The following OSBPL1A variants were observed in gnomAD, a reference collection of about 807,000 sequenced individuals.
OSBPL1A encodes oxysterol-binding protein-related protein 1.
In OSBPL1A, 80 loss-of-function variants were observed where a neutral mutation model predicts 137.1. That is an observed-to-expected ratio of 0.58 (90% CI 0.49 to 0.70). OSBPL1A has a LOEUF of 0.70. Ranked by LOEUF, OSBPL1A falls within the 30% of genes least tolerant of loss-of-function variation. OSBPL1A has a pLI of 0.00. For missense variants in OSBPL1A, 970 were observed against 1,129.4 expected (o/e 0.86, Z 2.02); for synonymous variants, 365 against 389.7 (o/e 0.94, Z 0.75).
intron 14 of OSBPL1A, among the ~76,000 whole-genome samples, chr18:24,281,659 G>C (rs896061699): frequency 6.6e-6 from 1 of 152,202 alleles, no homozygotes; most frequent in East Asian, 1.9e-4. Context: ...GCAAAGTGCT[G>C]GGATTACAGG....
chr18:24,269,670 T>C (rs1017330888), intron 15 of OSBPL1A, among the ~76,000 whole-genome samples: 2 of 152,206 alleles, frequency 1.3e-5, no homozygotes, highest in Non-Finnish European at 2.9e-5. Flanking sequence ...AGGAAAATTA[T>C]GTCTGCCTAT....
At chr18:24,260,204 G>A (rs1429179346) in intron 15 of OSBPL1A, among the ~76,000 whole-genome samples, 1 of 152,144 alleles carries the variant, frequency 6.6e-6, no homozygotes, top group African/African-American at 2.4e-5. Flanking sequence ...GTGGAACTTT[G>A]CATATTGCTG....
chr18:24,170,220 G>A, intron 24 of OSBPL1A, 107 bp downstream of exon 24: 1 of 1,308,880 alleles, frequency 7.6e-7, no homozygotes, highest in Non-Finnish European at 1.1e-6. Flanking sequence ...TTAGCAACAA[G>A]GAAGAAGAAA....
intron 26 of OSBPL1A, 97 bp downstream of exon 26, chr18:24,166,482 C>A: frequency 2.1e-6 from 3 of 1,426,452 alleles, no homozygotes; most frequent in Non-Finnish European, 2.8e-6. Context: ...ACTAAAAACG[C>A]TAGTACCCCA....
At chr18:24,351,845 T>C (rs1231585535) in intron 4 of OSBPL1A, among the ~76,000 whole-genome samples, 1 of 151,888 alleles carries the variant, frequency 6.6e-6, no homozygotes, top group Non-Finnish European at 1.5e-5. Context: ...CAGCCTGCAA[T>C]TGTTAACTCC....
chr18:24,217,258 CTTTTT>C (rs562612104), intron 17 of OSBPL1A, among the ~76,000 whole-genome samples: 2 of 131,498 alleles, frequency 1.5e-5, no homozygotes, highest in East Asian at 2.2e-4. Context: ...AAGTTTTGCT[CTTTTT>C]TTTTTTTTTT....
intron 4 of OSBPL1A, chr18:24,357,689 T>C (rs567493182): frequency 1.3e-5 from 2 of 152,210 alleles, no homozygotes; most frequent in East Asian, 1.9e-4. Flanking sequence ...AGAGGCTTCT[T>C]CTCCACGAGG....
In OSBPL1A at chr18:24,385,545, C is replaced by T. The variant is rs556127847; in HGVS notation, c.-2-8010G>A. On this transcript the variant is annotated intron_variant, in intron 1 of 27. Transcript: ENST00000319481. ...CCAGGGAAGAGGAGCTGGCAAAAAACGACCAAGAGTGGAGAGGGGACACAG... is the reference window on the plus strand; with the variant it reads ...CCAGGGAAGAGGAGCTGGCAAAAAATGACCAAGAGTGGAGAGGGGACACAG... Among the ~76,000 whole-genome samples the T allele has an allele frequency of 1.3e-4, 20 of 152,152 alleles. No homozygotes were observed. In the East Asian group the frequency reaches 1.7e-3, roughly 13 times the overall value.
intron 15 of OSBPL1A, among the ~76,000 whole-genome samples, chr18:24,250,182 G>GTTTT (rs775626283): frequency 2.0e-4 from 28 of 141,982 alleles, no homozygotes; most frequent in African/African-American, 6.6e-4. Flanking sequence ...TTGTTTGTTT[G>GTTTT]TTTGTTTTTT....
intron 15 of OSBPL1A, among the ~76,000 whole-genome samples, chr18:24,245,793 A>T (rs2088861785): frequency 1.3e-5 from 2 of 152,006 alleles, no homozygotes; most frequent in Non-Finnish European, 2.9e-5. Context: ...GTTTTCATTG[A>T]CTCTCTAATG....
At chr18:24,342,801 T>C (rs1010582296) in intron 4 of OSBPL1A, among the ~76,000 whole-genome samples, 1 of 152,170 alleles carries the variant, frequency 6.6e-6, no homozygotes, top group Non-Finnish European at 1.5e-5. Flanking sequence ...CATGCCACAA[T>C]TGTTTTATAG....
intron 4 of OSBPL1A, among the ~76,000 whole-genome samples, chr18:24,361,793 A>C (rs1005264060): frequency 2.6e-5 from 4 of 152,158 alleles, no homozygotes; most frequent in African/African-American, 9.7e-5. Context: ...ACTTGAGGTC[A>C]GGAGTTTGAG....
At chr18:24,165,858 G>A (rs576734976) in intron 26 of OSBPL1A, among the ~76,000 whole-genome samples, 1 of 152,328 alleles carries the variant, frequency 6.6e-6, no homozygotes, top group East Asian at 1.9e-4. Context: ...CACTTTGGGA[G>A]TCTGAGGTGG....
chr18:24,309,694 A>G (rs1452150765), intron 13 of OSBPL1A, among the ~76,000 whole-genome samples: 2 of 152,184 alleles, frequency 1.3e-5, no homozygotes, highest in Non-Finnish European at 2.9e-5. Context: ...CACACTTCAA[A>G]GCTCATTTTG....
chr18:24,181,036 C>G (rs2086593077), intron 19 of OSBPL1A, 109 bp downstream of exon 19: 5 of 1,346,346 alleles, frequency 3.7e-6, no homozygotes, highest in Non-Finnish European at 5.0e-6. Flanking sequence ...GATAAAATTG[C>G]CCAACCTCAC....
At chr18:24,381,016 G>C (rs1479991587) in intron 1 of OSBPL1A, among the ~76,000 whole-genome samples, 1 of 151,666 alleles carries the variant, frequency 6.6e-6, no homozygotes, top group African/African-American at 2.4e-5. Flanking sequence ...TCTGCAGGAA[G>C]CCAAACCCAG....
chr18:24,208,335 T>C (rs2087433341), intron 17 of OSBPL1A, among the ~76,000 whole-genome samples: 2 of 152,206 alleles, frequency 1.3e-5, no homozygotes, highest in Non-Finnish European at 2.9e-5. Context: ...CTCACAAGTC[T>C]ATTCTTTAAA....
chr18:24,321,388 T>C (rs113785840), intron 7 of OSBPL1A, among the ~76,000 whole-genome samples: 2,387 of 152,254 alleles, frequency 0.016, 68 homozygotes, highest in African/African-American at 0.055. Flanking sequence ...CCTCGACCTC[T>C]TGGGCTCAAG....
At chr18:24,178,271 A>C in intron 20 of OSBPL1A, 76 bp from the exon 21 acceptor site, 1 of 1,263,600 alleles carries the variant, frequency 7.9e-7, no homozygotes, top group Non-Finnish European at 1.1e-6. Flanking sequence ...CATGTACATA[A>C]TTGCCCTTTC....
Sources: allele counts gnomAD v4.1 joint callset (sites outside exome capture counted in the v4.1 genomes callset), GRCh38; gene constraint gnomAD v4.1.1; transcripts MANE v1.5; gene names NCBI Gene and HGNC (gene_info 2026-07-23, HGNC 2026-07-21).